ALDH1A1: variants seen among roughly 807,000 people sequenced by gnomAD.
ALDH1A1 encodes aldehyde dehydrogenase 1A1.
ALDH1A1 carries 19 observed loss-of-function variants against 62.1 expected under a neutral mutation model. The observed-to-expected ratio is 0.31, with a 90% CI of 0.21 to 0.45. The LOEUF (loss-of-function observed/expected upper bound fraction) is 0.45, where lower values mean the gene tolerates loss of function less well. ALDH1A1 is among the 20% of genes least tolerant of loss of function. The pLI is 1.00. For missense variants in ALDH1A1, 521 were observed against 607.1 expected (o/e 0.86, Z 1.49); for synonymous variants, 231 against 215.9 (o/e 1.07, Z -0.61).
intron 9 of ALDH1A1, among the ~76,000 whole-genome samples, chr9:72,915,468 G>C (rs545728934): frequency 6.6e-6 from 1 of 151,860 alleles, no homozygotes; most frequent in East Asian, 1.9e-4. Context: ...AAAAAACATA[G>C]AATTCCATTC....
At chr9:72,939,743 C>T (rs1830393180) in intron 2 of ALDH1A1, among the ~76,000 whole-genome samples, 1 of 151,978 alleles carries the variant, frequency 6.6e-6, no homozygotes, top group African/African-American at 2.4e-5. Context: ...GTCTCGAACT[C>T]GTGACCTCAA....
chr9:72,925,746 T>A, intron 5 of ALDH1A1, 134 bp from the exon 6 acceptor site: 1 of 1,009,852 alleles, frequency 9.9e-7, no homozygotes, highest in Non-Finnish European at 1.4e-6. Context: ...TGGCATATTA[T>A]ACTTCATTGC....
At chr9:72,942,288 ATCAAC>A (rs1458438735) in intron 1 of ALDH1A1, 18 of 985,236 alleles carry the variant, frequency 1.8e-5, no homozygotes, top group Admixed American at 1.2e-4. Flanking sequence ...AAAGAACTTA[ATCAAC>A]TTGTCCCGAA....
chr9:72,943,378 T>G (rs1830438896), intron 1 of ALDH1A1, among the ~76,000 whole-genome samples: 1 of 152,180 alleles, frequency 6.6e-6, no homozygotes, highest in Non-Finnish European at 1.5e-5. Flanking sequence ...AAAGAATTAT[T>G]ACAGTATGTA....
At chr9:72,927,396 C>A (rs1274236475) in intron 4 of ALDH1A1, among the ~76,000 whole-genome samples, 1 of 152,084 alleles carries the variant, frequency 6.6e-6, no homozygotes, top group Non-Finnish European at 1.5e-5. Flanking sequence ...CAACTATTCC[C>A]AAAATGGTAA....
rs1488966205 is a variant in ALDH1A1 at position 72,918,727 on chromosome 9, A to G, written c.843T>C (p.Asp281=). 1.2e-6 allele frequency: 2 copies of G among 1,607,278 alleles called. No homozygotes were observed. The highest frequency in any genetic ancestry group is 1.1e-5 in the South Asian group (1 of 90,524). The change falls in exon 8 of 13, where the codon GAT becomes GAC. Residue 281 remains aspartate, a synonymous_variant. Coordinates refer to ENST00000297785, the MANE Select transcript of ALDH1A1 (RefSeq NM_000689.5). ...GGKSPCIVLA[D]ADLDNAVEFA... ...AAAGTGGTTTCTACTCACAGTCGGC[A>G]TCAGCTAACACAATGCAAGGGCTCT...
At chr9:72,934,782 A>G (rs949654533) in intron 2 of ALDH1A1, among the ~76,000 whole-genome samples, 1 of 152,312 alleles carries the variant, frequency 6.6e-6, no homozygotes, top group East Asian at 1.9e-4. Flanking sequence ...ACTATTAAGT[A>G]TCATGAGCCT....
chr9:72,933,506 GA>G (rs1390504163), intron 2 of ALDH1A1, among the ~76,000 whole-genome samples: 1 of 145,848 alleles, frequency 6.9e-6, no homozygotes, highest in African/African-American at 2.6e-5. Flanking sequence ...AGGATCGTTT[GA>G]ACCTGAGAGG....
rs138501779 is a variant in ALDH1A1, at chr9:72,903,488, C to A, written c.1434-2208G>T. ...ACTCTTGGGAGTCATTTGAGGTTAT[C>A]GCCTGAGTAATAACTTGTAACTCTT... On this transcript the variant is annotated intron_variant, in intron 12 of 12. Coordinates refer to ENST00000297785, the MANE Select transcript of ALDH1A1 (RefSeq NM_000689.5). Among the ~76,000 whole-genome samples, 486 of 151,934 alleles carry A rather than the reference C, an allele frequency of 3.2e-3. 2 individuals are homozygous for A. Among genetic ancestry groups the A allele is most frequent in the Non-Finnish European group, 4.6e-3 (315 of 67,890 alleles).
At chr9:72,902,166 A>G (rs148811745) in intron 12 of ALDH1A1, among the ~76,000 whole-genome samples, 2 of 152,118 alleles carry the variant, frequency 1.3e-5, no homozygotes, top group East Asian at 1.9e-4. Context: ...GGATCTTGTT[A>G]TCAGGTTTAT....
At chr9:72,911,861 G>A in intron 10 of ALDH1A1, 97 bp downstream of exon 10, 2 of 1,362,652 alleles carry the variant, frequency 1.5e-6, no homozygotes, top group Non-Finnish European at 1.0e-6. Flanking sequence ...AGGGAAAGAT[G>A]TTCCAAAGAG....
chr9:72,941,332 T>G (rs540551016), intron 1 of ALDH1A1, among the ~76,000 whole-genome samples: 228 of 152,322 alleles, frequency 1.5e-3, no homozygotes, highest in African/African-American at 4.7e-3. Context: ...TGCAAATTAC[T>G]TATTTATTAA....
intron 7 of ALDH1A1, among the ~76,000 whole-genome samples, chr9:72,920,284 TA>T (rs1830124491): frequency 6.6e-6 from 1 of 152,106 alleles, no homozygotes; most frequent in Admixed American, 6.5e-5. Context: ...AAAAGATTAA[TA>T]AAAAATAAAT....
intron 12 of ALDH1A1, among the ~76,000 whole-genome samples, chr9:72,903,671 T>C (rs1231154732): frequency 6.6e-6 from 1 of 151,990 alleles, no homozygotes; most frequent in East Asian, 1.9e-4. Context: ...ATACTCATGT[T>C]CTAGATTTTT....
intron 7 of ALDH1A1, among the ~76,000 whole-genome samples, chr9:72,919,122 A>G (rs1246083653): frequency 6.6e-6 from 1 of 152,216 alleles, no homozygotes; most frequent in African/African-American, 2.4e-5. Context: ...ATACAGACAT[A>G]AAAGGAATCA....
chr9:72,901,510 A>T (rs931193421), intron 12 of ALDH1A1, among the ~76,000 whole-genome samples: 5 of 152,080 alleles, frequency 3.3e-5, no homozygotes, highest in African/African-American at 1.2e-4. Context: ...TTAAATAATC[A>T]TGTACTGTCA....
chr9:72,948,384 C>T lies in ALDH1A1; in HGVS notation c.66+4551G>A, dbSNP rs189404442. 3.3e-3 allele frequency among the ~76,000 whole-genome samples: 500 copies of T among 152,032 alleles called. 2 individuals carry two copies. Among genetic ancestry groups the T allele is most frequent in the African/African-American group, 0.011 (475 of 41,512 alleles). On this transcript the variant is annotated intron_variant, in intron 1 of 12. Coordinates refer to ENST00000297785, the MANE Select transcript of ALDH1A1 (RefSeq NM_000689.5). Reference sequence around the variant, plus strand: ...CCTCTCAGTGATCTTCCTCAAAATCCGCCAGCCGATCTGGCCCCAGCCTGT... The same window carrying T: ...CCTCTCAGTGATCTTCCTCAAAATCTGCCAGCCGATCTGGCCCCAGCCTGT...
chr9:72,931,930 G>A (rs1356551485), intron 2 of ALDH1A1, among the ~76,000 whole-genome samples: 1 of 152,164 alleles, frequency 6.6e-6, no homozygotes, highest in Non-Finnish European at 1.5e-5. Context: ...CTCTCATAGT[G>A]CCTTCACTCA....
intron 2 of ALDH1A1, among the ~76,000 whole-genome samples, chr9:72,939,742 T>C (rs187972419): frequency 2.1e-3 from 314 of 152,204 alleles, no homozygotes; most frequent in African/African-American, 7.2e-3. Context: ...GGTCTCGAAC[T>C]CGTGACCTCA....
Sources: allele counts gnomAD v4.1 joint callset (sites outside exome capture counted in the v4.1 genomes callset), GRCh38; gene constraint gnomAD v4.1.1; transcripts MANE v1.5; gene names NCBI Gene and HGNC (gene_info 2026-07-23, HGNC 2026-07-21).